The following TRAK1 variants were observed in gnomAD, a reference collection of about 807,000 sequenced individuals.
The protein encoded by TRAK1 is trafficking kinesin-binding protein 1.
In TRAK1, 33 loss-of-function variants were observed where a neutral mutation model predicts 92.1. The observed-to-expected ratio is 0.36, with a 90% confidence interval of 0.27 to 0.48. TRAK1 has a LOEUF of 0.48. TRAK1 is among the 20% of genes least tolerant of loss of function. The pLI is 0.99. For synonymous variants in TRAK1, 521 were observed against 517.3 expected, an observed-to-expected ratio of 1.01 and a Z score of -0.10; for missense variants, 1,123 against 1,257.9, an observed-to-expected ratio of 0.89 and a Z score of 1.62.
intron 1 of TRAK1, among the ~76,000 whole-genome samples, chr3:42,034,013 G>T (rs900987383): frequency 1.3e-5 from 2 of 152,168 alleles, no homozygotes; most frequent in African/African-American, 2.4e-5. Flanking sequence ...CCTGGACTGT[G>T]TCATCTCCTG....
chr3:42,027,249 C>T (rs141213350), intron 1 of TRAK1, among the ~76,000 whole-genome samples: 90 of 152,240 alleles, frequency 5.9e-4, no homozygotes, highest in African/African-American at 8.4e-4. Flanking sequence ...TTTGGCCGGG[C>T]GTGGTGGCTC....
intron 1 of TRAK1, among the ~76,000 whole-genome samples, chr3:42,054,101 T>TA (rs1169637338): frequency 6.6e-6 from 1 of 152,218 alleles, no homozygotes; most frequent in Non-Finnish European, 1.5e-5. Context: ...CCTGTCCTTA[T>TA]AAAGCAAGCT....
chr3:42,207,489 A>G (rs980676095), intron 13 of TRAK1, among the ~76,000 whole-genome samples: 3 of 152,276 alleles, frequency 2.0e-5, no homozygotes. Context: ...AACCCCGGCT[A>G]TGCCACCACT....
intron 1 of TRAK1, among the ~76,000 whole-genome samples, chr3:42,018,393 C>T (rs1397220249): frequency 2.0e-5 from 3 of 152,092 alleles, no homozygotes; most frequent in African/African-American, 7.2e-5. Flanking sequence ...AATCGTGGAG[C>T]TGGATTATTT....
intron 1 of TRAK1, among the ~76,000 whole-genome samples, chr3:42,102,798 C>T (rs779959134): frequency 1.4e-4 from 22 of 152,172 alleles, no homozygotes; most frequent in Non-Finnish European, 2.8e-4. Flanking sequence ...CATGTTTAGG[C>T]AAGCCTCCTG....
intron 1 of TRAK1, among the ~76,000 whole-genome samples, chr3:42,026,770 C>G (rs1434109961): frequency 6.6e-6 from 1 of 152,132 alleles, no homozygotes. Context: ...GGTGATCTGC[C>G]TGCCTCGGCC....
In TRAK1 at chr3:42,100,910, C is replaced by T. The variant is rs1451394736; in HGVS notation, c.91+9350C>T. Among the ~76,000 whole-genome samples, 10 of 152,172 alleles carry T rather than the reference C, an allele frequency of 6.6e-5. 1 individual carries two copies. The highest frequency in any genetic ancestry group is 5.2e-4 in the Admixed American group (8 of 15,282). On this transcript the variant is annotated intron_variant, in intron 1 of 15. Coordinates refer to ENST00000327628, the MANE Select transcript of TRAK1 (RefSeq NM_001042646.3). ...CTCGAACTCCTGACCTCAGGTGATCCACCCGCCTCAGCCTCCCAAAGTGCT... is the reference window on the plus strand; with the variant it reads ...CTCGAACTCCTGACCTCAGGTGATCTACCCGCCTCAGCCTCCCAAAGTGCT...
intron 2 of TRAK1, among the ~76,000 whole-genome samples, 155 bp from the exon 3 acceptor site, chr3:42,176,659 G>C (rs1041210966): frequency 1.4e-4 from 21 of 152,242 alleles, no homozygotes; most frequent in African/African-American, 4.8e-4. Flanking sequence ...AATGAAGTCT[G>C]GTGGTGGTGA....
intron 1 of TRAK1, among the ~76,000 whole-genome samples, chr3:42,105,706 A>G (rs1190373857): frequency 1.3e-5 from 2 of 152,172 alleles, no homozygotes; most frequent in Non-Finnish European, 2.9e-5. Context: ...CAACCCCAAG[A>G]CACATAATTG....
At chr3:42,191,964 C>T (rs772141141) in intron 7 of TRAK1, among the ~76,000 whole-genome samples, 8 of 120,756 alleles carry the variant, frequency 6.6e-5, no homozygotes, top group African/African-American at 1.6e-4. Context: ...ACAGTAGTTG[C>T]GATCTCGGCT....
intron 10 of TRAK1, among the ~76,000 whole-genome samples, chr3:42,198,729 A>T (rs1429430258): frequency 2.6e-5 from 4 of 152,136 alleles, no homozygotes; most frequent in Admixed American, 1.3e-4. Context: ...CCTGTAGACT[A>T]GGGGGACAAT....
intron 14 of TRAK1, among the ~76,000 whole-genome samples, chr3:42,215,995 C>T (rs1261333850): frequency 6.6e-6 from 1 of 152,206 alleles, no homozygotes; most frequent in East Asian, 1.9e-4. Flanking sequence ...TTGTCCCCAG[C>T]ACTTCCCAGG....
chr3:42,091,446 T>C lies in TRAK1; in HGVS notation c.-24T>C. 6.2e-7 allele frequency: 1 copy of C among 1,610,094 alleles called. No individual in the cohort carries two copies. On this transcript the variant is annotated 5_prime_UTR_variant, in exon 1 of 16. Transcript: ENST00000327628. ...TGGAGGCTCTCTCTGTTCTCTGAAG[T>C]GCCTTTGGAGTTTATGTCTGCACAT...
chr3:42,075,355 A>AG (rs1483155308), intron 1 of TRAK1, among the ~76,000 whole-genome samples: 1 of 151,104 alleles, frequency 6.6e-6, no homozygotes, highest in East Asian at 1.9e-4. Flanking sequence ...AAAAAAAAAA[A>AG]AAAAAAAAAA....
At chr3:42,217,717 C>T (rs1468476196) in intron 14 of TRAK1, 18 of 985,242 alleles carry the variant, frequency 1.8e-5, no homozygotes, top group Non-Finnish European at 2.0e-5. Flanking sequence ...CTGCTTTCCC[C>T]CTCTCCTCCT....
chr3:42,038,735 G>C (rs111408567), intron 1 of TRAK1, among the ~76,000 whole-genome samples: 31,451 of 148,876 alleles, frequency 0.21, 5,305 homozygotes, highest in African/African-American at 0.46. Flanking sequence ...TTGCAGTGAG[G>C]TGAGATTGCG....
intron 1 of TRAK1, among the ~76,000 whole-genome samples, chr3:42,049,659 A>G (rs1176962913): frequency 2.0e-5 from 3 of 150,636 alleles, no homozygotes; most frequent in East Asian, 1.9e-4. Context: ...TCATTCTTTC[A>G]TTTGTTTGGT....
At chr3:42,109,436 G>GATATA (rs1416548135) in intron 1 of TRAK1, among the ~76,000 whole-genome samples, 2 of 152,186 alleles carry the variant, frequency 1.3e-5, no homozygotes. Context: ...AGAAAGAAAA[G>GATATA]ATATAATGTT....
chr3:42,083,171 T>C (rs1704514652), upstream of TRAK1, among the ~76,000 whole-genome samples: 1 of 152,244 alleles, frequency 6.6e-6, no homozygotes. Context: ...AGCATCGTTA[T>C]ATTTTTTAAA....
Sources: gnomAD v4.1 joint callset for allele counts (sites outside exome capture counted in the v4.1 genomes callset) on GRCh38, gnomAD v4.1.1 for gene constraint, MANE v1.5 for transcripts, NCBI Gene and HGNC (gene_info 2026-07-23, HGNC 2026-07-21) for gene names.